CAMSAP2: variants seen among roughly 807,000 people sequenced by gnomAD.
CAMSAP2 encodes calmodulin regulated spectrin associated protein family member 2.
Under a neutral mutation model 146.1 loss-of-function variants are expected in CAMSAP2, and 26 were observed. That is an observed-to-expected ratio of 0.18 (90% CI 0.13 to 0.25). The LOEUF is 0.25. Ranked by LOEUF, CAMSAP2 falls within the 10% of genes least tolerant of loss-of-function variation. The probability of loss-of-function intolerance (pLI) is 1.00; values close to 1 mark genes in which losing one functional copy is unlikely to be tolerated. For missense variants in CAMSAP2, 1,381 were observed against 1,759.3 expected, an observed-to-expected ratio of 0.78 and a Z score of 3.85; for synonymous variants, 499 against 596.6, an observed-to-expected ratio of 0.84 and a Z score of 2.38.
At chr1:200,768,436 T>G (rs1240070140) in intron 2 of CAMSAP2, among the ~76,000 whole-genome samples, 1 of 152,132 alleles carries the variant, frequency 6.6e-6, no homozygotes, top group African/African-American at 2.4e-5. Context: ...TGAATGATGT[T>G]TTGTGCTATG....
At chr1:200,780,670 G>A (rs1665405285) in intron 2 of CAMSAP2, among the ~76,000 whole-genome samples, 1 of 152,142 alleles carries the variant, frequency 6.6e-6, no homozygotes, top group South Asian at 2.1e-4. Context: ...GCATTGGTCT[G>A]GAAATGGGTG....
rs563269466 is a variant in CAMSAP2, at chr1:200,832,448, C to CA, written c.787+115dup. On this transcript the variant is annotated intron_variant, in intron 5 of 16. Transcript: ENST00000358823. The surrounding 1 kb of genome is among the most constrained non-coding windows in gnomAD (Gnocchi z 4.2). ...TAGGTGACTGAGTGGGACCCTGTCT[C>CA]AAAAAAAAGACAATATTATTTAATA... 122 of 1,028,114 alleles carry CA rather than the reference C, an allele frequency of 1.2e-4. No homozygotes were observed. Among genetic ancestry groups the CA allele is most frequent in the South Asian group, 2.7e-4 (11 of 41,044 alleles). 63.7% of individuals were successfully genotyped at this position (1,028,114 alleles called of 1,614,324 possible). A position where few individuals can be genotyped will look rare whatever the true frequency, so the allele number is the denominator to read the frequency against.
Position 200,828,628 on chromosome 1 carries a change from GT to G in CAMSAP2, c.646-3569del, listed in dbSNP as rs1666964194. On this transcript the variant is annotated intron_variant, in intron 4 of 16. Transcript: ENST00000358823. ...CCAGTAAGTTTGCTCAGCTACTTCAGTTTGCTCTCCAGAATTGTAATTGTAG... is the reference window on the plus strand; with the variant it reads ...CCAGTAAGTTTGCTCAGCTACTTCAGTTGCTCTCCAGAATTGTAATTGTAG... The G allele has an allele frequency of 5.2e-6, 8 of 1,547,272 alleles. No homozygotes were observed. In the East Asian group the frequency reaches 2.0e-4, roughly 38 times the overall value.
At chr1:200,811,798 G>A (rs752883535) in intron 3 of CAMSAP2, among the ~76,000 whole-genome samples, 8 of 152,004 alleles carry the variant, frequency 5.3e-5, no homozygotes, top group African/African-American at 9.7e-5. Flanking sequence ...AAAATTTATC[G>A]TGGCCTGCAA....
At chr1:200,820,321 G>T (rs1666716211) in intron 4 of CAMSAP2, among the ~76,000 whole-genome samples, 1 of 152,112 alleles carries the variant, frequency 6.6e-6, no homozygotes, top group South Asian at 2.1e-4. Context: ...CTCCCAAAGT[G>T]CTGGGATTAT....
At position 200,848,201 on chromosome 1, in the gene CAMSAP2, A is replaced by C; in HGVS notation, c.1432A>C (p.Asn478His). Residue 478 changes from asparagine (N) to histidine (H), a missense_variant, in exon 11 of 17, where the codon AAT (asparagine) becomes CAT (histidine). By Grantham distance (68) the Asn-to-His change is moderately conservative (BLOSUM62 1). Coordinates refer to ENST00000358823, the MANE Select transcript of CAMSAP2 (RefSeq NM_203459.4). ...GAAAAATTTGTCCTTCAAGCCAATA[A>C]ATGGAGAAGAGGAAGCAGAGAGCAT... ...IRKNLSFKPI[N>H]GEEEAESIEE... 6.2e-7 allele frequency: 1 copy of C among 1,613,938 alleles called. No individual in the cohort carries two copies. The highest frequency in any genetic ancestry group is 8.5e-7 in the Non-Finnish European group (1 of 1,179,898).
intron 1 of CAMSAP2, 85 bp downstream of exon 1, chr1:200,740,051 C>T (rs1232123861): frequency 1.2e-5 from 17 of 1,448,478 alleles, no homozygotes; most frequent in Non-Finnish European, 1.5e-5. Flanking sequence ...GAATCCCTCC[C>T]TCCCCGTGCC....
Position 200,795,063 on chromosome 1 carries a change from T to A in CAMSAP2, c.400-12313T>A, listed in dbSNP as rs536410509. On this transcript the variant is annotated intron_variant, in intron 2 of 16. Coordinates refer to ENST00000358823, the MANE Select transcript of CAMSAP2 (RefSeq NM_203459.4). ...TAGTTAGTAAGTGGCAGAGTTGGGA[T>A]TAAACCTAGGTACTCTGCTTAAATG... Among the ~76,000 whole-genome samples, 8 of 152,332 alleles carry A rather than the reference T, an allele frequency of 5.3e-5. No homozygotes were observed. The East Asian group carries it at 1.5e-3, about 29-fold the overall frequency.
chr1:200,826,373 A>C (rs918251762), intron 4 of CAMSAP2, among the ~76,000 whole-genome samples: 1 of 151,920 alleles, frequency 6.6e-6, no homozygotes, highest in Non-Finnish European at 1.5e-5. Flanking sequence ...CAGAGGTTGC[A>C]GTGAGCTGAG....
At chr1:200,846,158 C>T (rs1667455007) in intron 8 of CAMSAP2, among the ~76,000 whole-genome samples, 1 of 152,082 alleles carries the variant, frequency 6.6e-6, no homozygotes. Flanking sequence ...GAATTCTTGG[C>T]TTAACACAAA....
At chr1:200,749,449 G>A (rs1228042771) in intron 1 of CAMSAP2, among the ~76,000 whole-genome samples, 1 of 146,790 alleles carries the variant, frequency 6.8e-6, no homozygotes, top group African/African-American at 2.6e-5. Context: ...CTCTTGTTTA[G>A]TGTCATGCAT....
chr1:200,821,181 C>CTTT (rs1004489840), intron 4 of CAMSAP2, among the ~76,000 whole-genome samples: 289 of 148,070 alleles, frequency 2.0e-3, no homozygotes, highest in African/African-American at 6.5e-3. Context: ...TCTTCTTCTT[C>CTTT]TTTTTTTTTT....
In CAMSAP2 at chr1:200,853,612, A is replaced by G; in HGVS notation, c.3823+117A>G. 1.3e-6 allele frequency: 1 copy of G among 780,346 alleles called. No individual in the cohort carries two copies. The highest frequency in any genetic ancestry group is 2.1e-6 in the Non-Finnish European group (1 of 483,122). The allele number at this position is 780,346 out of a possible 1,614,324, so 48.3% of individuals were successfully genotyped here. On this transcript the variant is annotated intron_variant, in intron 13 of 16. Transcript: ENST00000358823. This position sits in a 1 kb window ranked among gnomAD's most constrained non-coding sequence, Gnocchi z 5.1. The stretch of plus-strand genomic sequence containing the variant: ...TTGGATACACAGTTTGAGATTGTGC[A>G]TGCTCCCTTTTGGAAAACCAAAATG...
At chr1:200,752,255 T>C (rs1444109662) in intron 1 of CAMSAP2, among the ~76,000 whole-genome samples, 2 of 152,212 alleles carry the variant, frequency 1.3e-5, no homozygotes, top group Non-Finnish European at 2.9e-5. Flanking sequence ...TTTAACATTT[T>C]GAGCACAGTT....
rs757198580 is a variant in CAMSAP2, at chr1:200,848,689, G to A, written c.1920G>A (p.Met640Ile). 1.9e-6 allele frequency: 3 copies of A among 1,614,036 alleles called. No homozygotes were observed. In the Admixed American group the frequency reaches 5.0e-5, roughly 27 times the overall value. Residue 640 changes from methionine to isoleucine, a missense_variant, in exon 11 of 17, where the codon ATG becomes ATA. Transcript: ENST00000358823. ...RDYTVSLDSDMDDASKFLQDY... is the reference protein window; with the variant it reads ...RDYTVSLDSDIDDASKFLQDY... ...ATACTGTAAGCTTGGACTCTGACAT[G>A]GATGATGCATCTAAATTTCTTCAGG... is the stretch of plus-strand genomic sequence containing the variant.
chr1:200,754,195 A>G (rs1387145431), intron 1 of CAMSAP2, among the ~76,000 whole-genome samples: 1 of 152,126 alleles, frequency 6.6e-6, no homozygotes, highest in African/African-American at 2.4e-5. Context: ...ATGTCTCTAA[A>G]TTTGGATTTG....
At chr1:200,838,348 A>T (rs1240367332) in intron 6 of CAMSAP2, among the ~76,000 whole-genome samples, 1 of 152,214 alleles carries the variant, frequency 6.6e-6, no homozygotes, top group African/African-American at 2.4e-5. Context: ...TTAAAAACCA[A>T]TTTTATACTT....
At position 200,856,046 on chromosome 1, in the gene CAMSAP2, T is replaced by C. The variant is rs777611433; in HGVS notation, c.3933T>C (p.Arg1311=). 6.2e-7 allele frequency: 1 copy of C among 1,613,898 alleles called. No homozygotes were observed. Among genetic ancestry groups the C allele is most frequent in the South Asian group, 1.1e-5 (1 of 91,074 alleles). ...TAGAAGGCTTCTTATCTCCAAGTCGTTGTGGCAGTCGAAATGGAGAAAAAG... is the reference window on the plus strand; with the variant it reads ...TAGAAGGCTTCTTATCTCCAAGTCGCTGTGGCAGTCGAAATGGAGAAAAAG... ...ESVEGFLSPS[R]CGSRNGEKDW... Residue 1311 remains arginine (R), a synonymous_variant, in exon 15 of 17, where the codon CGT becomes CGC. Transcript: ENST00000358823.
intron 2 of CAMSAP2, among the ~76,000 whole-genome samples, chr1:200,801,308 C>T (rs1183529321): frequency 6.6e-6 from 1 of 150,624 alleles, no homozygotes; most frequent in Admixed American, 6.6e-5. Flanking sequence ...CCCCCACTCT[C>T]TTCTGGCTTG....
Sources: gnomAD v4.1 joint callset for allele counts (sites outside exome capture counted in the v4.1 genomes callset) on GRCh38, gnomAD v4.1.1 for gene constraint, Gnocchi (gnomAD v3.1) non-coding constraint, MANE v1.5 for transcripts, NCBI Gene and HGNC (gene_info 2026-07-23, HGNC 2026-07-21) for gene names.